Variants in RAD21 observed in about 807,000 individuals in gnomAD.
RAD21 encodes double-strand-break repair protein rad21 homolog.
RAD21 carries 18 observed loss-of-function variants against 71.5 expected under a neutral mutation model. The observed-to-expected ratio is 0.25, with a 90% CI of 0.17 to 0.37. The LOEUF is 0.37. Ranked by LOEUF, RAD21 falls within the 10% of genes least tolerant of loss-of-function variation. The pLI is 1.00. For synonymous variants in RAD21, 248 were observed against 254.0 expected (o/e 0.98, Z 0.22); for missense variants, 493 against 769.1 (o/e 0.64, Z 4.25).
chr8:116,872,691 C>G (rs1812854261), intron 1 of RAD21, among the ~76,000 whole-genome samples: 1 of 152,216 alleles, frequency 6.6e-6, no homozygotes, highest in Admixed American at 6.5e-5. Context: ...TTATGCAGTT[C>G]AGTTTCCCTA....
At chr8:116,861,256 G>C (rs1812586895) in intron 4 of RAD21, among the ~76,000 whole-genome samples, 1 of 151,902 alleles carries the variant, frequency 6.6e-6, no homozygotes, top group African/African-American at 2.4e-5. Context: ...GAAAGCTACA[G>C]TCACGTTCCA....
At position 116,847,046 on chromosome 8, in the gene RAD21, T is replaced by G. The variant is rs1812264150; in HGVS notation, c.*454A>C. The G allele has an allele frequency of 9.0e-6, 2 of 223,160 alleles. No homozygotes were observed. The highest frequency in any genetic ancestry group is 1.8e-5 in the Non-Finnish European group (2 of 111,632). 13.8% of individuals were successfully genotyped at this position (223,160 alleles called of 1,614,324 possible). On this transcript the variant is annotated 3_prime_UTR_variant, in exon 14 of 14. Transcript: ENST00000297338. ...GAGTGGTTAACAGGAAGATTGCCAG[T>G]GTTACTGATGGAAAGAAGTGTTTGT... is the stretch of plus-strand genomic sequence containing the variant.
intron 3 of RAD21, among the ~76,000 whole-genome samples, chr8:116,862,289 G>C (rs1474718035): frequency 2.0e-5 from 3 of 151,464 alleles, no homozygotes; most frequent in Admixed American, 1.3e-4. Context: ...GGTTATTTTG[G>C]AGAAAGAATT....
rs1812299108 is a variant in RAD21, at chr8:116,848,939, G to T, written c.1704+7C>A. Reference sequence around the variant, plus strand: ...AGCATTTTCCTCTGAGACAACAGCGGCAATACCTGAAGACCATGAAGCATC... The same window carrying T: ...AGCATTTTCCTCTGAGACAACAGCGTCAATACCTGAAGACCATGAAGCATC... On this transcript the variant is annotated splice_region_variant and intron_variant, in intron 13 of 13. Transcript: ENST00000297338. 1 of 1,599,758 alleles carries T rather than the reference G, an allele frequency of 6.3e-7. No homozygotes were observed. Among genetic ancestry groups the T allele is most frequent in the Non-Finnish European group, 8.5e-7 (1 of 1,172,498 alleles).
intron 1 of RAD21, among the ~76,000 whole-genome samples, chr8:116,870,019 G>A (rs1812778480): frequency 1.3e-5 from 2 of 152,106 alleles, no homozygotes; most frequent in Admixed American, 1.3e-4. Context: ...TTGGAGGGTG[G>A]GGGGCTGTGG....
chr8:116,861,181 A>G (rs897164459), intron 4 of RAD21, among the ~76,000 whole-genome samples: 2 of 152,106 alleles, frequency 1.3e-5, no homozygotes, highest in Admixed American at 6.6e-5. Context: ...GATCATTTCA[A>G]AAAGCAGAGA....
chr8:116,858,616 C>T (rs1812521407), intron 4 of RAD21, among the ~76,000 whole-genome samples, 158 bp from the exon 5 acceptor site: 1 of 152,036 alleles, frequency 6.6e-6, no homozygotes, highest in African/African-American at 2.4e-5. Flanking sequence ...CCAGTACAAT[C>T]CAAGAATGTA....
At chr8:116,849,333 C>A (rs1812307030) in intron 12 of RAD21, 2 of 302,694 alleles carry the variant, frequency 6.6e-6, no homozygotes, top group Non-Finnish European at 1.2e-5. Flanking sequence ...TGCTGCTGAT[C>A]ATGGAGGTTT....
chr8:116,854,741 C>A (rs1430090239), intron 8 of RAD21, among the ~76,000 whole-genome samples: 2 of 152,176 alleles, frequency 1.3e-5, no homozygotes, highest in Non-Finnish European at 1.5e-5. Context: ...AGGGCCAACA[C>A]ATTTTTGCCT....
intron 8 of RAD21, among the ~76,000 whole-genome samples, chr8:116,855,205 T>C (rs1360311802): frequency 3.9e-5 from 6 of 152,290 alleles, no homozygotes; most frequent in East Asian, 1.9e-4. Flanking sequence ...ATACAGTATA[T>C]ATTTTACTTA....
chr8:116,861,431 AAAAC>A (rs1812591271), intron 4 of RAD21, among the ~76,000 whole-genome samples: 1 of 150,786 alleles, frequency 6.6e-6, no homozygotes, highest in South Asian at 2.1e-4. Context: ...ATGTTCATTT[AAAAC>A]AAAAATAAAA....
chr8:116,873,497 C>T (rs1217805581), intron 1 of RAD21, among the ~76,000 whole-genome samples: 1 of 151,654 alleles, frequency 6.6e-6, no homozygotes, highest in Non-Finnish European at 1.5e-5. Flanking sequence ...GCATTTACAC[C>T]CAATTTAAGA....
chr8:116,854,103 A>T, intron 9 of RAD21, 142 bp downstream of exon 9: 1 of 631,330 alleles, frequency 1.6e-6, no homozygotes, highest in Non-Finnish European at 2.7e-6. Context: ...TATGCCCAGT[A>T]CACTGTGATT....
At chr8:116,851,640 T>C (rs1268242329) in intron 11 of RAD21, 2 of 222,788 alleles carry the variant, frequency 9.0e-6, no homozygotes, top group Admixed American at 5.5e-5. Context: ...AACTGCCTAG[T>C]ACTGAAGGTG....
chr8:116,856,616 C>A (rs371714280), intron 7 of RAD21, 30 bp downstream of exon 7: 13 of 1,559,016 alleles, frequency 8.3e-6, no homozygotes, highest in Non-Finnish European at 1.1e-5. Flanking sequence ...ATACAATCAT[C>A]CCCAGAATCA....
chr8:116,870,284 T>TG (rs1270994125), intron 1 of RAD21, among the ~76,000 whole-genome samples: 1 of 152,166 alleles, frequency 6.6e-6, no homozygotes, highest in African/African-American at 2.4e-5. Context: ...CCCAGCCCTT[T>TG]GGGAGGCCAA....
chr8:116,870,798 A>G (rs1300360986), intron 1 of RAD21, among the ~76,000 whole-genome samples: 1 of 152,254 alleles, frequency 6.6e-6, no homozygotes, highest in African/African-American at 2.4e-5. Flanking sequence ...TGCTTAATGA[A>G]TAAGTAAGTA....
intron 10 of RAD21, chr8:116,852,317 T>C: frequency 1.6e-6 from 1 of 633,876 alleles, no homozygotes; most frequent in East Asian, 2.8e-5. Flanking sequence ...CTCAGTACAA[T>C]GTAGGACAAT....
chr8:116,857,116 T>G, intron 6 of RAD21, 151 bp downstream of exon 6: 2 of 650,142 alleles, frequency 3.1e-6, no homozygotes, highest in South Asian at 4.7e-5. Context: ...GAGGCTAGTT[T>G]TACCGAAATG....
Sources: allele counts gnomAD v4.1 joint callset (sites outside exome capture counted in the v4.1 genomes callset), GRCh38; gene constraint gnomAD v4.1.1; transcripts MANE v1.5; gene names NCBI Gene and HGNC (gene_info 2026-07-23, HGNC 2026-07-21).